Variants in PLEKHH2 observed in about 807,000 individuals in gnomAD.
PLEKHH2 encodes pleckstrin homology, MyTH4 and FERM domain containing H2.
PLEKHH2 carries 129 observed loss-of-function variants against 187.9 expected under a neutral mutation model. That is an observed-to-expected ratio of 0.69 (90% confidence interval 0.59 to 0.79). The LOEUF is 0.79. PLEKHH2 is among the 30% of genes least tolerant of loss of function. The probability of loss-of-function intolerance (pLI) is 0.00; values close to 1 mark genes in which losing one functional copy is unlikely to be tolerated. For synonymous variants in PLEKHH2, 686 were observed against 605.6 expected (o/e 1.13, Z -1.95); for missense variants, 2,076 against 1,751.2 (o/e 1.19, Z -3.31).
chr2:43,678,956 T>C, intron 3 of PLEKHH2, 31 bp downstream of exon 3: 1 of 1,471,808 alleles, frequency 6.8e-7, no homozygotes, highest in Non-Finnish European at 9.5e-7. Context: ...AAATTTTTTT[T>C]GCCTGTACTA....
chr2:43,745,205 A>G (rs954481212), intron 23 of PLEKHH2, among the ~76,000 whole-genome samples: 1 of 152,116 alleles, frequency 6.6e-6, no homozygotes, highest in African/African-American at 2.4e-5. Flanking sequence ...AGTCTCAGCT[A>G]CTCGGGAGAC....
At chr2:43,651,730 C>T (rs1422872707) in intron 2 of PLEKHH2, among the ~76,000 whole-genome samples, 1 of 152,164 alleles carries the variant, frequency 6.6e-6, no homozygotes, top group African/African-American at 2.4e-5. Context: ...AAGGCATATT[C>T]ACTCTGAACA....
At chr2:43,694,134 C>T (rs956378963) in intron 4 of PLEKHH2, among the ~76,000 whole-genome samples, 6 of 152,120 alleles carry the variant, frequency 3.9e-5, no homozygotes, top group South Asian at 4.1e-4. Flanking sequence ...AAATCCTAGA[C>T]CATTCCCAGA....
In PLEKHH2 at chr2:43,678,923, C is replaced by G. The variant is rs189608247; in HGVS notation, c.184C>G (p.Gln62Glu). The G allele has an allele frequency of 1.4e-5, 23 of 1,605,758 alleles. No individual in the cohort carries two copies. The Admixed American group carries it at 3.3e-4, about 23-fold the overall frequency. The change falls in exon 3 of 30, where the codon CAG becomes GAG. Residue 62 changes from glutamine (Q) to glutamate (E), a missense_variant and splice_region_variant. Coordinates refer to ENST00000282406, the MANE Select transcript of PLEKHH2 (RefSeq NM_172069.4). Reference protein sequence around the residue: ...AERQAEKAFQQVQVMEDKLKA... With the variant: ...AERQAEKAFQEVQVMEDKLKA... ...ACGTCAAGCAGAAAAAGCTTTTCAACAGGTAGAGTATAATTTTACTTTAAA... is the reference window on the plus strand; with the variant it reads ...ACGTCAAGCAGAAAAAGCTTTTCAAGAGGTAGAGTATAATTTTACTTTAAA...
Position 43,764,235 on chromosome 2 carries a change from TAGTC to T in PLEKHH2, c.4169_4172del (p.Val1390AlafsTer7). The T allele has an allele frequency of 6.7e-7, 1 of 1,491,336 alleles. No individual in the cohort carries two copies. The highest frequency in any genetic ancestry group is 1.4e-5 in the South Asian group (1 of 73,294). The allele number at this position is 1,491,336 out of a possible 1,614,324, so 92.4% of individuals were successfully genotyped here. A position where few individuals can be genotyped will look rare whatever the true frequency, so the allele number is the denominator to read the frequency against. ...TTTTTCTTATCTTTAAAGAGGTTAA[TAGTC>T]AGCTATGTGTACAAGAGTCTAATGA... On this transcript the variant is annotated frameshift_variant, in exon 29 of 30. Coordinates refer to ENST00000282406, the MANE Select transcript of PLEKHH2 (RefSeq NM_172069.4). LOFTEE classifies it high-confidence loss of function.
intron 15 of PLEKHH2, among the ~76,000 whole-genome samples, chr2:43,718,261 C>T (rs914861444): frequency 2.6e-5 from 4 of 151,946 alleles, no homozygotes; most frequent in African/African-American, 9.7e-5. Context: ...AATTCTAGGC[C>T]AGGCACAGTG....
intron 3 of PLEKHH2, among the ~76,000 whole-genome samples, chr2:43,680,222 A>G (rs1466987674): frequency 1.3e-5 from 2 of 152,216 alleles, no homozygotes; most frequent in Non-Finnish European, 2.9e-5. Context: ...GCATATTTAC[A>G]AAAAGCTTAA....
At chr2:43,751,079 G>A (rs1459350132) in intron 24 of PLEKHH2, among the ~76,000 whole-genome samples, 1 of 152,200 alleles carries the variant, frequency 6.6e-6, no homozygotes, top group Admixed American at 6.5e-5. Context: ...TATGTGAAAC[G>A]GAGGTCAAAA....
rs909991956 is a variant in PLEKHH2 at position 43,745,430 on chromosome 2, C to A, written c.3556-436C>A. Reference sequence around the variant, plus strand: ...GGCCTAGAGAGGGAAATGAGTTACCCAAAATCAAATAGCTAGACCTGGGTC... The same window carrying A: ...GGCCTAGAGAGGGAAATGAGTTACCAAAAATCAAATAGCTAGACCTGGGTC... On this transcript the variant is annotated intron_variant, in intron 23 of 29. Coordinates refer to ENST00000282406, the MANE Select transcript of PLEKHH2 (RefSeq NM_172069.4). Among the ~76,000 whole-genome samples the A allele has an allele frequency of 2.0e-5, 3 of 152,206 alleles. No homozygotes were observed. The South Asian group carries it at 6.2e-4, about 32-fold the overall frequency.
rs1671403491 is a variant in PLEKHH2, at chr2:43,738,467, C to T, written c.3070C>T (p.Leu1024Phe). The T allele has an allele frequency of 1.2e-6, 2 of 1,613,704 alleles. No individual in the cohort carries two copies. Among genetic ancestry groups the T allele is most frequent in the Non-Finnish European group, 8.5e-7 (1 of 1,179,850 alleles). Reference sequence around the variant, plus strand: ...GCTGCAGAATGAAATTTGCTGTCAGCTTATTAAACAGACAAGACGAAGACA... The same window carrying T: ...GCTGCAGAATGAAATTTGCTGTCAGTTTATTAAACAGACAAGACGAAGACA... ...PELQNEICCQLIKQTRRRQPQ... is the reference protein window; with the variant it reads ...PELQNEICCQFIKQTRRRQPQ... The change falls in exon 20 of 30, where the codon CTT (leucine) becomes TTT (phenylalanine). Residue 1024 changes from leucine (L) to phenylalanine (F), a missense_variant. Transcript: ENST00000282406.
At chr2:43,720,513 A>G (rs1670431086) in intron 15 of PLEKHH2, among the ~76,000 whole-genome samples, 156 bp from the exon 16 acceptor site, 1 of 152,208 alleles carries the variant, frequency 6.6e-6, no homozygotes, top group African/African-American at 2.4e-5. Context: ...AATGTGTGAC[A>G]GGTACATCTT....
intron 29 of PLEKHH2, among the ~76,000 whole-genome samples, chr2:43,764,818 A>G (rs1035440311): frequency 6.6e-5 from 10 of 152,366 alleles, no homozygotes; most frequent in African/African-American, 2.4e-4. Flanking sequence ...TACGACTTTT[A>G]ACAAACTGTG....
intron 6 of PLEKHH2, among the ~76,000 whole-genome samples, chr2:43,695,849 C>T (rs1046206444): frequency 6.6e-6 from 1 of 152,176 alleles, no homozygotes; most frequent in Non-Finnish European, 1.5e-5. Flanking sequence ...ACATTTGTAG[C>T]TGCATTGAAC....
At chr2:43,715,780 G>A (rs747760694) in intron 15 of PLEKHH2, among the ~76,000 whole-genome samples, 2 of 152,198 alleles carry the variant, frequency 1.3e-5, no homozygotes, top group Admixed American at 6.5e-5. Flanking sequence ...CTGGTAGGAT[G>A]TCTTAGTTAA....
At chr2:43,708,021 A>T (rs1428506409) in intron 11 of PLEKHH2, among the ~76,000 whole-genome samples, 1 of 152,174 alleles carries the variant, frequency 6.6e-6, no homozygotes, top group Non-Finnish European at 1.5e-5. Flanking sequence ...TTACAGAGAG[A>T]TCTAATTCCA....
intron 16 of PLEKHH2, among the ~76,000 whole-genome samples, chr2:43,724,277 T>A (rs1670630511): frequency 1.3e-5 from 2 of 151,936 alleles, no homozygotes; most frequent in Admixed American, 6.6e-5. Context: ...ACCCAGAGAG[T>A]GAGCATAGAT....
At position 43,710,334 on chromosome 2, in the gene PLEKHH2, AGT is replaced by A; in HGVS notation, c.2214+6_2214+7del. The A allele has an allele frequency of 6.2e-7, 1 of 1,611,824 alleles. No individual in the cohort carries two copies. Among genetic ancestry groups the A allele is most frequent in the Non-Finnish European group, 8.5e-7 (1 of 1,178,016 alleles). On this transcript the variant is annotated splice_donor_5th_base_variant and intron_variant, in intron 13 of 29. Coordinates refer to ENST00000282406, the MANE Select transcript of PLEKHH2 (RefSeq NM_172069.4). ...ATTACTTTACTACAAATCTCCGGTG[AGT>A]GGAAAGTGTTTTCTGTTTAGAACGT...
chr2:43,677,656 A>C (rs1326662723), intron 2 of PLEKHH2, among the ~76,000 whole-genome samples: 1 of 151,702 alleles, frequency 6.6e-6, no homozygotes, highest in Admixed American at 6.6e-5. Context: ...CCTTTCCCCC[A>C]TTTCTATTCC....
intron 2 of PLEKHH2, among the ~76,000 whole-genome samples, chr2:43,651,720 A>G (rs574734019): frequency 6.6e-6 from 1 of 152,334 alleles, no homozygotes; most frequent in South Asian, 2.1e-4. Flanking sequence ...AGCCATGAAC[A>G]AGGCATATTC....
Sources: allele counts gnomAD v4.1 joint callset (sites outside exome capture counted in the v4.1 genomes callset), GRCh38; gene constraint gnomAD v4.1.1; transcripts MANE v1.5; gene names NCBI Gene and HGNC (gene_info 2026-07-23, HGNC 2026-07-21).